Variants in FOCAD observed in about 807,000 individuals in gnomAD.
FOCAD encodes the protein focadhesin.
A neutral mutation model predicts 225.6 loss-of-function variants in FOCAD; 198 were observed. That is an observed-to-expected ratio of 0.88 (90% CI 0.78 to 0.99). FOCAD has a LOEUF of 0.99. Ranked by LOEUF, FOCAD falls within the 50% of genes least tolerant of loss-of-function variation. The pLI is 0.00. For synonymous variants in FOCAD, 897 were observed against 755.0 expected (o/e 1.19, Z -3.08); for missense variants, 2,713 against 2,123.6 (o/e 1.28, Z -5.46).
At chr9:20,734,461 T>C (rs1453812339) in intron 4 of FOCAD, among the ~76,000 whole-genome samples, 1 of 152,230 alleles carries the variant, frequency 6.6e-6, no homozygotes, top group African/African-American at 2.4e-5. Context: ...TTTTTAAACT[T>C]GCATTTTTCC....
intron 10 of FOCAD, chr9:20,786,838 C>T: frequency 5.9e-6 from 1 of 170,028 alleles, no homozygotes; most frequent in Admixed American, 6.0e-5. Flanking sequence ...ATGTATTTTT[C>T]TGTGGTTTAT....
intron 18 of FOCAD, among the ~76,000 whole-genome samples, chr9:20,872,402 A>C (rs534004593): frequency 6.6e-6 from 1 of 152,266 alleles, no homozygotes; most frequent in South Asian, 2.1e-4. Flanking sequence ...TTTATACTAA[A>C]TAATTCTGGA....
At chr9:20,855,455 A>G (rs1828078338) in intron 15 of FOCAD, among the ~76,000 whole-genome samples, 2 of 151,578 alleles carry the variant, frequency 1.3e-5, no homozygotes, top group African/African-American at 4.8e-5. Context: ...AATATTTAAA[A>G]TTAAAAAAAT....
intron 30 of FOCAD, 115 bp downstream of exon 30, chr9:20,946,935 A>T: frequency 7.7e-7 from 1 of 1,304,656 alleles, no homozygotes; most frequent in Non-Finnish European, 1.0e-6. Flanking sequence ...TCTAGAACTG[A>T]GGAACTTCTA....
rs575454237 is a variant in FOCAD at position 20,865,231 on chromosome 9, G to T, written c.2056-695G>T. Among the ~76,000 whole-genome samples the T allele has an allele frequency of 2.0e-5, 3 of 152,096 alleles. No homozygotes were observed. In the South Asian group the frequency reaches 6.2e-4, roughly 32 times the overall value. ...CAAACACTCTTAGCAAGAATCCAAGGAAATTATTTGTGCTATTGGACTTGG... is the reference window on the plus strand; with the variant it reads ...CAAACACTCTTAGCAAGAATCCAAGTAAATTATTTGTGCTATTGGACTTGG... On this transcript the variant is annotated intron_variant, in intron 16 of 43. Coordinates refer to ENST00000338382, the MANE Select transcript of FOCAD (RefSeq NM_001375567.1).
At chr9:20,904,497 C>T (rs534735225) in intron 21 of FOCAD, among the ~76,000 whole-genome samples, 1 of 151,992 alleles carries the variant, frequency 6.6e-6, no homozygotes. Flanking sequence ...TCCCTGCCCT[C>T]ACCTCATTAG....
rs1422828991 is a variant in FOCAD at position 20,924,890 on chromosome 9, G to A, written c.2961+1122G>A. On this transcript the variant is annotated intron_variant, in intron 25 of 43. Coordinates refer to ENST00000338382, the MANE Select transcript of FOCAD (RefSeq NM_001375567.1). ...AACTTCAGTCATTTATTATCCTCAT[G>A]TCACTTAAAATTCAGAGTCCTTTGG... is the stretch of plus-strand genomic sequence containing the variant. Among the ~76,000 whole-genome samples, 4 of 152,306 alleles carry A rather than the reference G, an allele frequency of 2.6e-5. No homozygotes were observed. In the East Asian group the frequency reaches 7.7e-4, roughly 29 times the overall value.
intron 26 of FOCAD, chr9:20,928,023 C>G (rs983802611): frequency 1.3e-5 from 2 of 151,176 alleles, no homozygotes; most frequent in Non-Finnish European, 2.9e-5. Flanking sequence ...AAGTTAATTG[C>G]TCTATGATGA....
chr9:20,741,748 C>T (rs1168954230), intron 5 of FOCAD, among the ~76,000 whole-genome samples: 1 of 128,050 alleles, frequency 7.8e-6, no homozygotes, highest in South Asian at 2.5e-4. Flanking sequence ...TATCCATTGC[C>T]TTGGCTAGAA....
At chr9:20,811,574 A>C (rs10964717) in intron 11 of FOCAD, among the ~76,000 whole-genome samples, 27,479 of 151,960 alleles carry the variant, frequency 0.18, 3,054 homozygotes, top group Non-Finnish European at 0.24. Flanking sequence ...TACTTCTTTA[A>C]TTATAATGTT....
intron 5 of FOCAD, among the ~76,000 whole-genome samples, chr9:20,756,088 A>G (rs1288533474): frequency 6.6e-6 from 1 of 152,208 alleles, no homozygotes; most frequent in Non-Finnish European, 1.5e-5. Flanking sequence ...CCAAAGTGGA[A>G]GCAAATTCTA....
intron 5 of FOCAD, among the ~76,000 whole-genome samples, chr9:20,751,738 C>G (rs1028683581): frequency 6.7e-6 from 1 of 149,126 alleles, no homozygotes; most frequent in Non-Finnish European, 1.5e-5. Flanking sequence ...GCCACACTGA[C>G]TTCCACAATG....
At chr9:20,833,025 A>G (rs1018114989) in intron 15 of FOCAD, among the ~76,000 whole-genome samples, 1 of 152,076 alleles carries the variant, frequency 6.6e-6, no homozygotes, top group Non-Finnish European at 1.5e-5. Context: ...ATATACCCAG[A>G]AGAGGGATTG....
At chr9:20,888,276 T>C (rs1045685768) in intron 21 of FOCAD, among the ~76,000 whole-genome samples, 2 of 151,720 alleles carry the variant, frequency 1.3e-5, no homozygotes, top group Admixed American at 6.6e-5. Flanking sequence ...ATAGCTGGGA[T>C]TGCAGGTGTG....
At chr9:20,744,954 C>T (rs1050053252) in intron 5 of FOCAD, among the ~76,000 whole-genome samples, 6 of 152,098 alleles carry the variant, frequency 3.9e-5, no homozygotes, top group Non-Finnish European at 1.5e-5. Flanking sequence ...TTTCAGAAGC[C>T]ACTTTCTAGT....
chr9:20,966,595 C>T (rs1039420506), intron 35 of FOCAD, among the ~76,000 whole-genome samples: 1 of 152,054 alleles, frequency 6.6e-6, no homozygotes, highest in Non-Finnish European at 1.5e-5. Flanking sequence ...TTGCCAAATC[C>T]AAGGTCAAAG....
chr9:20,715,458 CTGTGGA>C (rs1239847854), intron 2 of FOCAD, 48 bp downstream of exon 2: 1 of 1,146,108 alleles, frequency 8.7e-7, no homozygotes, highest in African/African-American at 1.6e-5. Flanking sequence ...TAAACCTGTT[CTGTGGA>C]TTTTTAACTG....
rs1442358814 is a variant in FOCAD at position 20,933,114 on chromosome 9, C to G, written c.3407+11C>G. ...TAGTCTTGAATACAAGTATGTTGTT[C>G]CTATTTCCACTCTCACAGGTACTTA... On this transcript the variant is annotated intron_variant, in intron 28 of 43. Coordinates refer to ENST00000338382, the MANE Select transcript of FOCAD (RefSeq NM_001375567.1). 1.9e-6 allele frequency: 3 copies of G among 1,594,988 alleles called. No individual in the cohort carries two copies. Among genetic ancestry groups the G allele is most frequent in the Non-Finnish European group, 2.6e-6 (3 of 1,162,966 alleles).
chr9:20,913,295 T>G (rs1211522391), intron 23 of FOCAD, among the ~76,000 whole-genome samples: 1 of 152,074 alleles, frequency 6.6e-6, no homozygotes, highest in Non-Finnish European at 1.5e-5. Flanking sequence ...CTCTGTTCAT[T>G]GCTTTCCTAC....
Sources: gnomAD v4.1 joint callset for allele counts (sites outside exome capture counted in the v4.1 genomes callset) on GRCh38, gnomAD v4.1.1 for gene constraint, MANE v1.5 for transcripts, NCBI Gene and HGNC (gene_info 2026-07-23, HGNC 2026-07-21) for gene names.